Variants in STAB2 observed in about 807,000 individuals in gnomAD.
The protein encoded by STAB2 is stabilin-2.
Under a neutral mutation model 338.1 loss-of-function variants are expected in STAB2, and 288 were observed. The observed-to-expected ratio is 0.85, with a 90% CI of 0.77 to 0.94. The LOEUF is 0.94. Among genes scored for constraint, STAB2 ranks in the 40% least tolerant of loss-of-function variants. The pLI, the probability that STAB2 is intolerant of heterozygous loss-of-function variation, is 0.00. For missense variants in STAB2, 3,141 were observed against 3,210.1 expected, an observed-to-expected ratio of 0.98 and a Z score of 0.52; for synonymous variants, 1,202 against 1,193.3, an observed-to-expected ratio of 1.01 and a Z score of -0.15.
chr12:103,622,969 T>C (rs12322357), intron 5 of STAB2, among the ~76,000 whole-genome samples: 7 of 152,156 alleles, frequency 4.6e-5, no homozygotes, highest in African/African-American at 1.4e-4. Flanking sequence ...AGGTGGTCAG[T>C]GATTGTTGCT....
chr12:103,749,369 G>A (rs1883377072), intron 59 of STAB2, among the ~76,000 whole-genome samples: 1 of 152,154 alleles, frequency 6.6e-6, no homozygotes, highest in Non-Finnish European at 1.5e-5. Flanking sequence ...AAATTCTTAA[G>A]TGTATTGCTT....
At chr12:103,607,675 T>A (rs970645912) in intron 3 of STAB2, among the ~76,000 whole-genome samples, 1 of 152,160 alleles carries the variant, frequency 6.6e-6, no homozygotes, top group Non-Finnish European at 1.5e-5. Context: ...CTGAGAGTGA[T>A]GGTTTCCAGC....
chr12:103,606,870 G>A (rs1304391408), intron 3 of STAB2, among the ~76,000 whole-genome samples: 1 of 152,184 alleles, frequency 6.6e-6, no homozygotes, highest in African/African-American at 2.4e-5. Flanking sequence ...TGTAGTCCCA[G>A]CTACTTGGGT....
At chr12:103,660,791 A>G in intron 17 of STAB2, 28 bp downstream of exon 17, 1 of 1,606,572 alleles carries the variant, frequency 6.2e-7, no homozygotes, top group South Asian at 1.1e-5. Context: ...CACCACCAGC[A>G]TCACTTGAAC....
At chr12:103,761,450 C>T (rs940282488) in intron 66 of STAB2, 40 bp downstream of exon 66, 8 of 1,571,674 alleles carry the variant, frequency 5.1e-6, no homozygotes, top group Non-Finnish European at 7.0e-6. Context: ...CAGGAGGAGC[C>T]CCGGTGCCCA....
chr12:103,744,728 C>T (rs1470047324), intron 56 of STAB2, among the ~76,000 whole-genome samples: 2 of 152,064 alleles, frequency 1.3e-5, no homozygotes, highest in African/African-American at 2.4e-5. Flanking sequence ...CCACCTCAGC[C>T]GCCCAAAGTG....
chr12:103,742,509 G>A lies in STAB2; in HGVS notation c.5986G>A (p.Ala1996Thr). ...ATGCAACACCGGCTTCAATGGGACG[G>A]CGTGTGAGATGTGCTGGCCGGGGAG... ...CKCNTGFNGT[A>T]CEMCWPGRFG... The change falls in exon 56 of 69, where the codon GCG becomes ACG. Residue 1996 changes from alanine (A) to threonine (T), a missense_variant. Physicochemically the swap from Ala to Thr is moderately conservative, Grantham distance 58 (BLOSUM62 0). Coordinates refer to ENST00000388887, the MANE Select transcript of STAB2 (RefSeq NM_017564.10). 6.2e-7 allele frequency: 1 copy of A among 1,614,150 alleles called. No individual in the cohort carries two copies. The highest frequency in any genetic ancestry group is 8.5e-7 in the Non-Finnish European group (1 of 1,180,026).
chr12:103,766,505 G>A lies in STAB2; in HGVS notation c.*169G>A, dbSNP rs1039866958. The A allele has an allele frequency of 2.8e-6, 2 of 720,420 alleles. No individual in the cohort carries two copies. The highest frequency in any genetic ancestry group is 1.9e-5 in the South Asian group (1 of 53,066). 44.6% of individuals were successfully genotyped at this position (720,420 alleles called of 1,614,324 possible). ...TGTTTCTGTGGGTGAGAGATGTGTT[G>A]CTGTGCCCACCCAGTACAGCTTCCT... On this transcript the variant is annotated 3_prime_UTR_variant, in exon 69 of 69. Transcript: ENST00000388887.
At chr12:103,758,077 T>C (rs1389720992) in intron 63 of STAB2, 93 bp from the exon 64 acceptor site, 4 of 1,564,392 alleles carry the variant, frequency 2.6e-6, no homozygotes, top group Middle Eastern at 2.0e-4. Flanking sequence ...CCATGAATAT[T>C]CACAGATGGG....
chr12:103,622,100 G>A lies in STAB2; in HGVS notation c.476G>A (p.Ser159Asn), dbSNP rs1437628047. ...GCTGACGACAACTTATTTGGACCCA[G>A]CTGTTCATCAGGTATGTCTGATTTT... is the stretch of plus-strand genomic sequence containing the variant. The part of the protein sequence containing the change: ...TCADDNLFGP[S>N]CSSVCNCVHG... Residue 159 changes from serine (S) to asparagine (N), a missense_variant, in exon 5 of 69, where the codon AGC becomes AAC. Transcript: ENST00000388887. 1 of 1,614,078 alleles carries A rather than the reference G, an allele frequency of 6.2e-7. No individual in the cohort carries two copies. The highest frequency in any genetic ancestry group is 8.5e-7 in the Non-Finnish European group (1 of 1,180,032).
chr12:103,746,791 C>A, intron 58 of STAB2, 87 bp downstream of exon 58: 2 of 1,354,580 alleles, frequency 1.5e-6, no homozygotes, highest in Admixed American at 1.7e-5. Flanking sequence ...TTCATCCTAG[C>A]CCTCCTTCCT....
chr12:103,675,927 G>A lies in STAB2; in HGVS notation c.2553-1G>A. On this transcript the variant is annotated splice_acceptor_variant, in intron 23 of 68. Coordinates refer to ENST00000388887, the MANE Select transcript of STAB2 (RefSeq NM_017564.10). LOFTEE classifies it high-confidence loss of function. ...CTGATATTGCACACTCTCCTTTGCAGTTGTATTTGCAAAGCAGGATATGAA... is the reference window on the plus strand; with the variant it reads ...CTGATATTGCACACTCTCCTTTGCAATTGTATTTGCAAAGCAGGATATGAA... 1 of 1,610,142 alleles carries A rather than the reference G, an allele frequency of 6.2e-7. No individual in the cohort carries two copies. The highest frequency in any genetic ancestry group is 8.5e-7 in the Non-Finnish European group (1 of 1,177,708).
At chr12:103,749,872 A>AAAAAAG (rs58406423) in intron 59 of STAB2, among the ~76,000 whole-genome samples, 9 of 131,572 alleles carry the variant, frequency 6.8e-5, no homozygotes, top group Non-Finnish European at 9.5e-5. Flanking sequence ...AAAAAAAAAA[A>AAAAAAG]GCTGGTAAGA....
intron 27 of STAB2, 151 bp from the exon 28 acceptor site, chr12:103,688,017 C>A: frequency 1.4e-6 from 1 of 695,432 alleles, no homozygotes; most frequent in Non-Finnish European, 2.6e-6. Flanking sequence ...GCATTCACAT[C>A]AGCATCAGGG....
chr12:103,764,357 G>A (rs555863943), intron 68 of STAB2, among the ~76,000 whole-genome samples: 1 of 152,298 alleles, frequency 6.6e-6, no homozygotes, highest in East Asian at 1.9e-4. Flanking sequence ...TTTCTTTGAT[G>A]AGGCCTTATA....
chr12:103,664,794 A>C (rs1874930771), intron 18 of STAB2, among the ~76,000 whole-genome samples: 1 of 152,226 alleles, frequency 6.6e-6, no homozygotes, highest in Non-Finnish European at 1.5e-5. Flanking sequence ...TAGGCCACAG[A>C]GGACGGAGCT....
At position 103,755,457 on chromosome 12, in the gene STAB2, T is replaced by C; in HGVS notation, c.6870T>C (p.Tyr2290=). 2 of 1,613,974 alleles carry C rather than the reference T, an allele frequency of 1.2e-6. No individual in the cohort carries two copies. The highest frequency in any genetic ancestry group is 8.5e-7 in the Non-Finnish European group (1 of 1,179,950). The change falls in exon 62 of 69, where the codon TAT becomes TAC. Residue 2290 remains tyrosine (Y), a synonymous_variant. Transcript: ENST00000388887. ...GTGAAATGTGGGATGTCTTCTGCTA[T>C]CGGATGAAAGGTAACCGCCCCAGCT... ...NKSEMWDVFC[Y]RMKDVNCTCK...
chr12:103,688,148 C>T lies in STAB2; in HGVS notation c.2998-20C>T, dbSNP rs774686658. The T allele has an allele frequency of 6.2e-7, 1 of 1,611,738 alleles. No individual in the cohort carries two copies. Among genetic ancestry groups the T allele is most frequent in the Non-Finnish European group, 8.5e-7 (1 of 1,177,894 alleles). ...GTTCTCTCCCATCTCTTCTTCCCTC[C>T]CTTGCATGATATGAATAAGGAATTG... On this transcript the variant is annotated intron_variant, in intron 27 of 68. Coordinates refer to ENST00000388887, the MANE Select transcript of STAB2 (RefSeq NM_017564.10).
chr12:103,720,221 TA>T (rs370592859), intron 44 of STAB2, among the ~76,000 whole-genome samples: 156 of 151,604 alleles, frequency 1.0e-3, no homozygotes, highest in African/African-American at 3.5e-3. Context: ...TCATGTTTTG[TA>T]AAAAAAAATG....
Sources: allele counts gnomAD v4.1 joint callset (sites outside exome capture counted in the v4.1 genomes callset), GRCh38; gene constraint gnomAD v4.1.1; transcripts MANE v1.5; gene names NCBI Gene and HGNC (gene_info 2026-07-23, HGNC 2026-07-21).